LDLRAD4: variants seen among roughly 807,000 people sequenced by gnomAD.
The protein encoded by LDLRAD4 is low density lipoprotein receptor class A domain containing 4, also known as low-density lipoprotein receptor class A domain-containing protein 4.
In LDLRAD4, 5 loss-of-function variants were observed where a neutral mutation model predicts 17.0. The observed-to-expected ratio is 0.29, with a 90% CI of 0.15 to 0.62. The LOEUF is 0.62. Ranked by LOEUF, LDLRAD4 falls within the 20% of genes least tolerant of loss-of-function variation. The pLI is 0.84. For missense variants in LDLRAD4, 340 were observed against 424.7 expected (o/e 0.80, Z 1.75); for synonymous variants, 168 against 171.8 (o/e 0.98, Z 0.17).
intron 2 of LDLRAD4, among the ~76,000 whole-genome samples, chr18:13,411,930 C>A (rs776098665): frequency 1.3e-5 from 2 of 152,132 alleles, no homozygotes; most frequent in Non-Finnish European, 2.9e-5. Flanking sequence ...GTAGCCTTGA[C>A]CTCCTGGGCT....
At chr18:13,487,549 G>C (rs2093258179) in intron 3 of LDLRAD4, 1 of 152,264 alleles carries the variant, frequency 6.6e-6, no homozygotes, top group East Asian at 1.9e-4. Flanking sequence ...TCATGGCCAG[G>C]GTTCTTACAG....
chr18:13,315,295 T>C (rs1226143686), intron 1 of LDLRAD4, among the ~76,000 whole-genome samples: 1 of 152,228 alleles, frequency 6.6e-6, no homozygotes, highest in Non-Finnish European at 1.5e-5. Flanking sequence ...CCAGTTCTCC[T>C]GTTAGTTTGT....
chr18:13,547,579 G>A (rs955219256), intron 3 of LDLRAD4, among the ~76,000 whole-genome samples: 1 of 152,214 alleles, frequency 6.6e-6, no homozygotes, highest in Non-Finnish European at 1.5e-5. Flanking sequence ...GTGGCGAGGG[G>A]TGCATGAGTG....
intron 1 of LDLRAD4, among the ~76,000 whole-genome samples, chr18:13,332,384 A>G (rs1285954799): frequency 6.6e-6 from 1 of 152,230 alleles, no homozygotes; most frequent in Non-Finnish European, 1.5e-5. Context: ...TACATTTGTT[A>G]CAATTAATGA....
chr18:13,358,705 A>G (rs553424534), intron 1 of LDLRAD4, among the ~76,000 whole-genome samples: 35 of 152,328 alleles, frequency 2.3e-4, no homozygotes, highest in African/African-American at 6.0e-4. Context: ...TTTGTTGCAG[A>G]GGAAAAGCAA....
intron 3 of LDLRAD4, among the ~76,000 whole-genome samples, chr18:13,608,386 G>C (rs1003866479): frequency 6.6e-6 from 1 of 152,144 alleles, no homozygotes; most frequent in Admixed American, 6.5e-5. Context: ...AGCCCTGGGG[G>C]TGAGAGCTGG....
At chr18:13,437,546 G>A (rs2090746688) in intron 2 of LDLRAD4, among the ~76,000 whole-genome samples, 1 of 152,252 alleles carries the variant, frequency 6.6e-6, no homozygotes, top group Non-Finnish European at 1.5e-5. Flanking sequence ...TAGGGAGCCT[G>A]TGTTCAGTGT....
chr18:13,430,395 A>G (rs1370340903), intron 2 of LDLRAD4, among the ~76,000 whole-genome samples: 7 of 152,208 alleles, frequency 4.6e-5, no homozygotes, highest in Non-Finnish European at 8.8e-5. Flanking sequence ...AAAGCTCGGC[A>G]CAGTTGACTT....
intron 3 of LDLRAD4, among the ~76,000 whole-genome samples, chr18:13,582,541 G>A (rs779474403): frequency 6.6e-6 from 1 of 152,208 alleles, no homozygotes; most frequent in Non-Finnish European, 1.5e-5. Context: ...TCCTTTGAGC[G>A]ATGGGAGGAG....
At chr18:13,604,621 C>T (rs547401258) in intron 3 of LDLRAD4, among the ~76,000 whole-genome samples, 132 of 152,154 alleles carry the variant, frequency 8.7e-4, no homozygotes, top group Admixed American at 2.6e-3. Flanking sequence ...AGATGAATTA[C>T]GAAAGTTATT....
intron 1 of LDLRAD4, among the ~76,000 whole-genome samples, chr18:13,341,628 TA>T (rs1316683908): frequency 2.0e-5 from 3 of 152,090 alleles, no homozygotes; most frequent in Non-Finnish European, 2.9e-5. Context: ...ACACTTTTTT[TA>T]AAAAAGGGAA....
chr18:13,549,507 C>T (rs186901874), intron 3 of LDLRAD4, among the ~76,000 whole-genome samples: 336 of 151,868 alleles, frequency 2.2e-3, no homozygotes, highest in Non-Finnish European at 3.5e-3. Context: ...ATTTTATTCA[C>T]GGAGGCATTT....
chr18:13,499,747 A>G (rs1284395050), intron 3 of LDLRAD4, among the ~76,000 whole-genome samples: 11 of 151,902 alleles, frequency 7.2e-5, no homozygotes, highest in Non-Finnish European at 1.2e-4. Flanking sequence ...CCTTTTTGCC[A>G]CACACGTCCA....
chr18:13,407,458 T>G lies in LDLRAD4; in HGVS notation c.40+19696T>G, dbSNP rs139177507. Among the ~76,000 whole-genome samples, 644 of 152,350 alleles carry G rather than the reference T, an allele frequency of 4.2e-3. 3 individuals carry two copies. Among genetic ancestry groups the G allele is most frequent in the African/African-American group, 0.015 (624 of 41,574 alleles). ...AGGCAAAGATGAACAAGACAATGCA[T>G]TGTGCCTCAAGTCACTTACATATGT... On this transcript the variant is annotated intron_variant, in intron 2 of 5. Coordinates refer to ENST00000359446, the Ensembl canonical transcript of LDLRAD4.
intron 1 of LDLRAD4, among the ~76,000 whole-genome samples, chr18:13,372,457 G>T (rs1014174517): frequency 6.6e-6 from 1 of 152,190 alleles, no homozygotes; most frequent in Non-Finnish European, 1.5e-5. Context: ...ACTATTAGAA[G>T]AAATGAAAGA....
intron 3 of LDLRAD4, among the ~76,000 whole-genome samples, chr18:13,478,087 G>A (rs2092991762): frequency 6.6e-6 from 1 of 152,176 alleles, no homozygotes; most frequent in Non-Finnish European, 1.5e-5. Context: ...TATTTTCTCT[G>A]GAACATAGTC....
chr18:13,591,793 C>T (rs955414360), intron 3 of LDLRAD4, among the ~76,000 whole-genome samples: 7 of 152,110 alleles, frequency 4.6e-5, no homozygotes, highest in African/African-American at 1.7e-4. Flanking sequence ...GTCACTTGTA[C>T]GTGAGGCCAA....
At chr18:13,441,802 GC>G (rs2091039029) in intron 3 of LDLRAD4, among the ~76,000 whole-genome samples, 1 of 152,206 alleles carries the variant, frequency 6.6e-6, no homozygotes, top group Admixed American at 6.5e-5. Flanking sequence ...TGTGTTTGGA[GC>G]CCAGGCTGAG....
chr18:13,565,088 T>G (rs2094583507), intron 3 of LDLRAD4: 1 of 152,244 alleles, frequency 6.6e-6, no homozygotes, highest in African/African-American at 2.4e-5. Context: ...CCGTCATGAT[T>G]TGAACCCAAA....
Sources: allele counts gnomAD v4.1 joint callset (sites outside exome capture counted in the v4.1 genomes callset), GRCh38; gene constraint gnomAD v4.1.1; transcripts MANE v1.5; gene names NCBI Gene and HGNC (gene_info 2026-07-23, HGNC 2026-07-21).